Variants in SAMD12 observed in about 807,000 individuals in gnomAD.
The protein encoded by SAMD12 is sterile alpha motif domain containing 12.
A neutral mutation model predicts 15.0 loss-of-function variants in SAMD12; 9 were observed. The ratio of observed to expected loss-of-function variants is 0.60; its 90% CI spans 0.36 to 1.05. The LOEUF (loss-of-function observed/expected upper bound fraction) is 1.05. SAMD12 is among the 50% of genes least tolerant of loss of function. The pLI is 0.01. For missense variants in SAMD12, 230 were observed against 234.2 expected (o/e 0.98, Z 0.12); for synonymous variants, 86 against 90.1 (o/e 0.96, Z 0.25).
chr8:118,452,855 A>G (rs1823123552), intron 2 of SAMD12, among the ~76,000 whole-genome samples: 1 of 152,172 alleles, frequency 6.6e-6, no homozygotes, highest in South Asian at 2.1e-4. Flanking sequence ...CTCCAACTTC[A>G]GGTGCAATTT....
At chr8:118,440,438 A>G (rs1024886835) in intron 2 of SAMD12, among the ~76,000 whole-genome samples, 3 of 152,142 alleles carry the variant, frequency 2.0e-5, no homozygotes, top group Admixed American at 1.3e-4. Context: ...ATAACTGTAT[A>G]CTAAGAACTG....
chr8:118,275,100 T>G (rs151002666), intron 4 of SAMD12, among the ~76,000 whole-genome samples: 1 of 152,218 alleles, frequency 6.6e-6, no homozygotes. Context: ...TCTATGTCTA[T>G]TGTAGACATA....
chr8:118,489,675 T>C (rs1824385519), intron 2 of SAMD12, among the ~76,000 whole-genome samples: 1 of 152,218 alleles, frequency 6.6e-6, no homozygotes, highest in Non-Finnish European at 1.5e-5. Context: ...GTTCATGTGA[T>C]GGATTTATAA....
rs1347231884 is a variant in SAMD12 at position 118,462,937 on chromosome 8, C to T, written c.193-22976G>A. ...CTAACACGGTGAAACCCCGTCTCTA[C>T]TAAAAACACAAAAATTAGCCGGGCA... is the stretch of plus-strand genomic sequence containing the variant. On this transcript the variant is annotated intron_variant, in intron 2 of 3. Coordinates refer to ENST00000314727, the MANE Select transcript of SAMD12 (RefSeq NM_207506.3). 2.0e-5 allele frequency among the ~76,000 whole-genome samples: 3 copies of T among 151,752 alleles called. No individual in the cohort carries two copies. In the East Asian group the frequency reaches 5.8e-4, roughly 30 times the overall value.
intron 4 of SAMD12, among the ~76,000 whole-genome samples, chr8:118,320,898 T>C (rs1266892936): frequency 6.7e-6 from 1 of 148,906 alleles, no homozygotes; most frequent in East Asian, 2.0e-4. Flanking sequence ...TTGGCAGAAA[T>C]AATACCATAT....
downstream of SAMD12, among the ~76,000 whole-genome samples, chr8:118,188,037 AAG>A (rs145785924): frequency 0.013 from 1,960 of 146,452 alleles, 44 homozygotes; most frequent in African/African-American, 0.042. Context: ...AATGGGTTGG[AAG>A]AGAGAGAGAG....
At chr8:118,438,995 T>G (rs770583873) in intron 3 of SAMD12, among the ~76,000 whole-genome samples, 16 of 152,258 alleles carry the variant, frequency 1.1e-4, no homozygotes, top group Admixed American at 3.9e-4. Flanking sequence ...AGCAGGATCT[T>G]AGGGTGAAAG....
chr8:118,248,605 A>T (rs183724989), intron 4 of SAMD12, among the ~76,000 whole-genome samples: 166 of 150,072 alleles, frequency 1.1e-3, no homozygotes, highest in African/African-American at 3.9e-3. Context: ...GCCACTATTT[A>T]AAAAAAATGA....
At chr8:118,594,002 T>G (rs1827651877) in intron 1 of SAMD12, among the ~76,000 whole-genome samples, 1 of 152,192 alleles carries the variant, frequency 6.6e-6, no homozygotes. Flanking sequence ...GTCAGATCTT[T>G]GAATAACCTG....
At chr8:118,389,959 A>C (rs1461202370) in intron 3 of SAMD12, among the ~76,000 whole-genome samples, 2 of 152,142 alleles carry the variant, frequency 1.3e-5, no homozygotes, top group Non-Finnish European at 2.9e-5. Context: ...ATAGCCAAAC[A>C]AATTACGTAT....
the SAMD12 span, among the ~76,000 whole-genome samples, chr8:118,146,963 T>C: frequency 6.6e-6 from 1 of 152,184 alleles, no homozygotes; most frequent in African/African-American, 2.4e-5. Context: ...GCCATTTCCA[T>C]GCTAAATGGT....
intron 2 of SAMD12, among the ~76,000 whole-genome samples, chr8:118,481,005 C>T (rs908791407): frequency 9.9e-5 from 15 of 152,204 alleles, no homozygotes; most frequent in Non-Finnish European, 1.2e-4. Context: ...TGCAGTGGCA[C>T]GATCTTGGCT....
chr8:118,201,850 A>C (rs747028268), intron 4 of SAMD12, among the ~76,000 whole-genome samples: 1 of 152,224 alleles, frequency 6.6e-6, no homozygotes, highest in South Asian at 2.1e-4. Flanking sequence ...ATGGGCCATC[A>C]TTACTATTAA....
intron 4 of SAMD12, among the ~76,000 whole-genome samples, chr8:118,207,350 A>T (rs973732728): frequency 1.3e-5 from 2 of 150,660 alleles, no homozygotes; most frequent in Non-Finnish European, 3.0e-5. Flanking sequence ...TGTACAGCCA[A>T]TTAGTCACTG....
rs1045253757 is a variant in SAMD12, at chr8:118,551,931, A to C, written c.192+28784T>G. On this transcript the variant is annotated intron_variant, in intron 2 of 3. Transcript: ENST00000314727. ...CAAATAAACTAGAAAATCTAGAAGA[A>C]ATGGATAAATTCCTCGACACATACA... Among the ~76,000 whole-genome samples, 26 of 151,460 alleles carry C rather than the reference A, an allele frequency of 1.7e-4. 1 individual carries two copies. Among genetic ancestry groups the C allele is most frequent in the Admixed American group, 1.7e-3 (26 of 15,258 alleles).
chr8:118,204,477 G>A (rs1022870626), intron 4 of SAMD12, among the ~76,000 whole-genome samples: 3 of 152,132 alleles, frequency 2.0e-5, no homozygotes, highest in Admixed American at 6.5e-5. Flanking sequence ...CAAAGAGGCC[G>A]GACATGGTGG....
chr8:118,365,420 T>C (rs955825709), intron 4 of SAMD12, among the ~76,000 whole-genome samples: 1 of 152,224 alleles, frequency 6.6e-6, no homozygotes, highest in Non-Finnish European at 1.5e-5. Flanking sequence ...GGAATTGTCC[T>C]GTCTGTTGAG....
intron 4 of SAMD12, among the ~76,000 whole-genome samples, chr8:118,273,229 T>C (rs1308741393): frequency 6.6e-6 from 1 of 152,168 alleles, no homozygotes; most frequent in Non-Finnish European, 1.5e-5. Flanking sequence ...CACATGGTGG[T>C]AGCAAGAAGT....
At chr8:118,328,607 T>C (rs1401067055) in intron 4 of SAMD12, among the ~76,000 whole-genome samples, 1 of 152,234 alleles carries the variant, frequency 6.6e-6, no homozygotes, top group African/African-American at 2.4e-5. Flanking sequence ...TGAAAGTGTC[T>C]TCAACCTCCA....
Sources: allele counts gnomAD v4.1 joint callset (sites outside exome capture counted in the v4.1 genomes callset), GRCh38; gene constraint gnomAD v4.1.1; transcripts MANE v1.5; gene names NCBI Gene and HGNC (gene_info 2026-07-23, HGNC 2026-07-21).